ZFP37: variants seen among roughly 807,000 people sequenced by gnomAD.
ZFP37 encodes the protein ZFP37 zinc finger protein.
In ZFP37, 38 loss-of-function variants were observed where a neutral mutation model predicts 52.1. The ratio of observed to expected loss-of-function variants is 0.73; its 90% CI spans 0.56 to 0.96. ZFP37 has a LOEUF of 0.96. Among genes scored for constraint, ZFP37 ranks in the 40% least tolerant of loss-of-function variants. ZFP37 has a pLI of 0.00. For synonymous variants in ZFP37, 253 were observed against 259.5 expected (o/e 0.98, Z 0.24); for missense variants, 695 against 741.4 (o/e 0.94, Z 0.73).
intron 3 of ZFP37, among the ~76,000 whole-genome samples, chr9:113,044,950 A>G (rs1445200902): frequency 1.3e-5 from 2 of 151,860 alleles, no homozygotes; most frequent in Admixed American, 1.3e-4. Context: ...TTCAATTCCC[A>G]ATGGCTTCCT....
rs1425098637 is a variant in ZFP37, at chr9:113,042,975, T to C, written c.1643A>G (p.Asn548Ser). 6.2e-7 allele frequency: 1 copy of C among 1,613,804 alleles called. No homozygotes were observed. Among genetic ancestry groups the C allele is most frequent in the African/African-American group, 1.3e-5 (1 of 74,912 alleles). ...VHTGEKPYEC[N>S]ECGKAFSQKS... Reference sequence around the variant, plus strand: ...TTGGCTAAAGGCTTTCCCACATTCATTACACTCATACGGTTTCTCTCCAGT... The same window carrying C: ...TTGGCTAAAGGCTTTCCCACATTCACTACACTCATACGGTTTCTCTCCAGT... Residue 548 changes from asparagine (N) to serine (S), a missense_variant, in exon 4 of 4, where the codon AAT becomes AGT. Physicochemically the swap from Asn to Ser is conservative, Grantham distance 46 (BLOSUM62 1). Transcript: ENST00000374227.
rs550277716 is a variant in ZFP37 at position 113,043,920 on chromosome 9, A to G, written c.698T>C (p.Leu233Ser). ...CTTATCAGATGAGCTATGGCTGGATAATTTCTCATGTTTCTTTCCAGTTTG... is the reference window on the plus strand; with the variant it reads ...CTTATCAGATGAGCTATGGCTGGATGATTTCTCATGTTTCTTTCCAGTTTG... ...KKQTGKKHEK[L>S]SSHSSSDKCN... is the part of the protein sequence containing the mutation. Residue 233 changes from leucine (L) to serine (S), a missense_variant, in exon 4 of 4, where the codon TTA (leucine) becomes TCA (serine). By Grantham distance (145) the Leu-to-Ser change is moderately radical. Coordinates refer to ENST00000374227, the MANE Select transcript of ZFP37 (RefSeq NM_003408.3). 25 of 1,613,936 alleles carry G rather than the reference A, an allele frequency of 1.5e-5. No individual in the cohort carries two copies. The South Asian group carries it at 2.3e-4, about 15-fold the overall frequency.
At chr9:113,051,150 A>C (rs925041828) in intron 1 of ZFP37, among the ~76,000 whole-genome samples, 3 of 152,220 alleles carry the variant, frequency 2.0e-5, no homozygotes, top group Non-Finnish European at 4.4e-5. Flanking sequence ...GCTATGAAAA[A>C]TACAACCAGT....
At position 113,038,704 on chromosome 9, in the gene ZFP37, G is replaced by A. The variant is rs1828801932; in HGVS notation, c.*4021C>T. ...AGGCTAAGGTGGGAGGAGTGCTTAA[G>A]CCTGGGAGGTAGAGATTGTAATGAG... On this transcript the variant is annotated 3_prime_UTR_variant, in exon 4 of 4. Transcript: ENST00000374227. The A allele has an allele frequency of 6.6e-6, 1 of 151,932 alleles. No homozygotes were observed. Among genetic ancestry groups the A allele is most frequent in the Non-Finnish European group, 1.5e-5 (1 of 68,012 alleles). The allele number at this position is 151,932 out of a possible 1,614,324, so 9.4% of individuals were successfully genotyped here.
Position 113,049,380 on chromosome 9 carries a change from GC to G in ZFP37, c.330del (p.Lys110AsnfsTer75). 1 of 1,612,270 alleles carries G rather than the reference GC, an allele frequency of 6.2e-7. No individual in the cohort carries two copies. Among genetic ancestry groups the G allele is most frequent in the Non-Finnish European group, 8.5e-7 (1 of 1,179,462 alleles). ...AACTTACTTCCATCAGTTTCTTTTT[GC>G]TTGGGTCTTGCTATTTTACTTGGAC... Reference protein sequence around the residue: ...QGCPSKIARPKQKETDGKVQK... With the variant: ...QGCPSKIARPXQKETDGKVQK... On this transcript the variant is annotated frameshift_variant, in exon 3 of 4. Coordinates refer to ENST00000374227, the MANE Select transcript of ZFP37 (RefSeq NM_003408.3). LOFTEE classifies it high-confidence loss of function.
intron 3 of ZFP37, among the ~76,000 whole-genome samples, chr9:113,046,948 AAC>A (rs1473067339): frequency 6.6e-6 from 1 of 152,096 alleles, no homozygotes; most frequent in African/African-American, 2.4e-5. Context: ...CTCTACCAAA[AAC>A]ACAAAAAAAT....
intron 1 of ZFP37, among the ~76,000 whole-genome samples, chr9:113,054,069 T>G (rs1395673503): frequency 2.0e-5 from 3 of 152,154 alleles, no homozygotes; most frequent in African/African-American, 7.2e-5. Flanking sequence ...TCATTACCTC[T>G]CATTCTTTCA....
At chr9:113,050,307 G>GC (rs1220781965) in intron 1 of ZFP37, among the ~76,000 whole-genome samples, 1 of 152,126 alleles carries the variant, frequency 6.6e-6, no homozygotes, top group Non-Finnish European at 1.5e-5. Flanking sequence ...GATCACCTGA[G>GC]CCCAGGAGGT....
Position 113,038,940 on chromosome 9 carries a change from C to T in ZFP37, c.*3785G>A, listed in dbSNP as rs1256843549. On this transcript the variant is annotated 3_prime_UTR_variant, in exon 4 of 4. Coordinates refer to ENST00000374227, the MANE Select transcript of ZFP37 (RefSeq NM_003408.3). ...ATTTTCTTCAATATTGGATTACTCACTTGATGCCTGGAGATGCATCACTCA... is the reference window on the plus strand; with the variant it reads ...ATTTTCTTCAATATTGGATTACTCATTTGATGCCTGGAGATGCATCACTCA... 2 of 152,124 alleles carry T rather than the reference C, an allele frequency of 1.3e-5. No individual in the cohort carries two copies. The highest frequency in any genetic ancestry group is 2.9e-5 in the Non-Finnish European group (2 of 68,030). The allele number at this position is 152,124 out of a possible 1,614,324, so 9.4% of individuals were successfully genotyped here.
intron 3 of ZFP37, among the ~76,000 whole-genome samples, chr9:113,045,166 G>A (rs1174623703): frequency 6.6e-6 from 1 of 152,128 alleles, no homozygotes; most frequent in Non-Finnish European, 1.5e-5. Flanking sequence ...GAGCTGATAA[G>A]TGGCTAAGAG....
chr9:113,043,350 T>C lies in ZFP37; in HGVS notation c.1268A>G (p.His423Arg). 1 of 1,614,168 alleles carries C rather than the reference T, an allele frequency of 6.2e-7. No homozygotes were observed. Among genetic ancestry groups the C allele is most frequent in the Non-Finnish European group, 8.5e-7 (1 of 1,179,994 alleles). The change falls in exon 4 of 4, where the codon CAT becomes CGT. Residue 423 changes from histidine to arginine, a missense_variant. His to Arg is a conservative substitution (Grantham distance 29). Coordinates refer to ENST00000374227, the MANE Select transcript of ZFP37 (RefSeq NM_003408.3). ...TATTTCACCTGTATGTGTTCTCACATGTTCGGTAAGAGATGAGTTATACCT... is the reference window on the plus strand; with the variant it reads ...TATTTCACCTGTATGTGTTCTCACACGTTCGGTAAGAGATGAGTTATACCT... ...SFRYNSSLTE[H>R]VRTHTGEIPY...
intron 1 of ZFP37, among the ~76,000 whole-genome samples, chr9:113,054,984 C>T (rs1209713917): frequency 2.0e-5 from 3 of 152,190 alleles, no homozygotes; most frequent in African/African-American, 7.2e-5. Flanking sequence ...AACTCAATGG[C>T]TTCTCACTGC....
chr9:113,056,159 C>A (rs1829139203), intron 1 of ZFP37, among the ~76,000 whole-genome samples: 2 of 152,140 alleles, frequency 1.3e-5, no homozygotes, highest in Admixed American at 1.3e-4. Flanking sequence ...TTTCCCAAAT[C>A]CTAACACTGA....
chr9:113,046,076 G>A (rs1028516819), intron 3 of ZFP37, among the ~76,000 whole-genome samples: 17 of 151,646 alleles, frequency 1.1e-4, no homozygotes, highest in African/African-American at 4.1e-4. Context: ...TTTTATAAAG[G>A]ACATTAGAGA....
chr9:113,054,078 C>G (rs920159456), intron 1 of ZFP37, among the ~76,000 whole-genome samples: 22 of 152,154 alleles, frequency 1.4e-4, no homozygotes, highest in Admixed American at 1.2e-3. Context: ...CTCATTCTTT[C>G]AACTCACTCT....
chr9:113,043,717 C>A lies in ZFP37; in HGVS notation c.901G>T (p.Val301Phe). The change falls in exon 4 of 4, where the codon GTT becomes TTT. Residue 301 changes from valine to phenylalanine, a missense_variant. By Grantham distance (50) the Val-to-Phe change is conservative. Transcript: ENST00000374227. The part of the protein sequence containing the change: ...KPYECNQCGK[V>F]LSHKQGLIDH... ...ATGAGTCCTTGTTTATGGCTGAGAA[C>A]CTTTCCACATTGATTACATTCATAG... The A allele has an allele frequency of 6.2e-7, 1 of 1,613,856 alleles. No individual in the cohort carries two copies. Among genetic ancestry groups the A allele is most frequent in the Non-Finnish European group, 8.5e-7 (1 of 1,179,818 alleles).
intron 1 of ZFP37, among the ~76,000 whole-genome samples, chr9:113,055,718 A>G (rs369899426): frequency 6.6e-6 from 1 of 152,054 alleles, no homozygotes; most frequent in East Asian, 1.9e-4. Context: ...ACAATCATTA[A>G]CCTCCACAGA....
intron 1 of ZFP37, among the ~76,000 whole-genome samples, chr9:113,050,468 CAAAAAA>C (rs34498194): frequency 8.2e-6 from 1 of 121,636 alleles, no homozygotes; most frequent in African/African-American, 3.0e-5. Flanking sequence ...GACAAATAGC[CAAAAAA>C]AAAAAAAAAA....
In ZFP37 at chr9:113,042,957, A is replaced by T. The variant is rs2118682835; in HGVS notation, c.1661T>A (p.Phe554Tyr). ...TACAATGAGGTGAGACTTTTGGCTAAAGGCTTTCCCACATTCATTACACTC... is the reference window on the plus strand; with the variant it reads ...TACAATGAGGTGAGACTTTTGGCTATAGGCTTTCCCACATTCATTACACTC... ...PYECNECGKA[F>Y]SQKSHLIVHQ... The change falls in exon 4 of 4, where the codon TTT (phenylalanine) becomes TAT (tyrosine). Residue 554 changes from phenylalanine to tyrosine, a missense_variant. This residue lies in a region of ZFP37 where 326 missense variants were observed against 400.5 expected (regional missense o/e 0.81). Transcript: ENST00000374227. 6.2e-7 allele frequency: 1 copy of T among 1,613,920 alleles called. No homozygotes were observed. The highest frequency in any genetic ancestry group is 1.7e-5 in the Admixed American group (1 of 60,002).
Sources: gnomAD v4.1 joint callset for allele counts (sites outside exome capture counted in the v4.1 genomes callset) on GRCh38, gnomAD v4.1.1 for gene constraint, gnomAD v4.1.1 regional missense constraint, MANE v1.5 for transcripts, NCBI Gene and HGNC (gene_info 2026-07-23, HGNC 2026-07-21) for gene names.